The following SLC35F3 variants were observed in gnomAD, a reference collection of about 807,000 sequenced individuals.
SLC35F3 encodes putative thiamine transporter SLC35F3.
A neutral mutation model predicts 49.9 loss-of-function variants in SLC35F3; 25 were observed. The ratio of observed to expected loss-of-function variants is 0.50; its 90% CI spans 0.37 to 0.70. The LOEUF is 0.70. Among genes scored for constraint, SLC35F3 ranks in the 30% least tolerant of loss-of-function variants. SLC35F3 has a pLI of 0.00. For synonymous variants in SLC35F3, 275 were observed against 265.4 expected (o/e 1.04, Z -0.35); for missense variants, 525 against 639.8 (o/e 0.82, Z 1.94).
At chr1:234,206,815 C>G (rs1320539090) in intron 2 of SLC35F3, among the ~76,000 whole-genome samples, 5 of 152,136 alleles carry the variant, frequency 3.3e-5, no homozygotes, top group African/African-American at 1.2e-4. Context: ...CTGGGTCTGC[C>G]CAACGTTGAG....
At position 234,008,986 on chromosome 1, in the gene SLC35F3, C is replaced by G. The variant is rs1663673061; in HGVS notation, c.283+103228C>G. 2.0e-5 allele frequency among the ~76,000 whole-genome samples: 3 copies of G among 152,166 alleles called. No homozygotes were observed. In the South Asian group the frequency reaches 6.2e-4, roughly 32 times the overall value. ...AAACCTCATTTTTTGGATATCATAT[C>G]ACTCACCTACACAGATTACATAAAG... On this transcript the variant is annotated intron_variant, in intron 2 of 7. Transcript: ENST00000366618.
intron 3 of SLC35F3, chr1:234,261,623 T>G (rs988359552): frequency 6.6e-6 from 1 of 152,318 alleles, no homozygotes; most frequent in Non-Finnish European, 1.5e-5. Flanking sequence ...AGGGTCTTTG[T>G]GACCTGTATC....
At chr1:233,969,024 T>G (rs1662947132) in intron 2 of SLC35F3, among the ~76,000 whole-genome samples, 2 of 148,260 alleles carry the variant, frequency 1.3e-5, no homozygotes, top group African/African-American at 5.0e-5. Flanking sequence ...GAAGATCCCA[T>G]TATGAGGTAC....
intron 2 of SLC35F3, among the ~76,000 whole-genome samples, chr1:233,969,464 C>T (rs986317367): frequency 6.6e-6 from 1 of 152,178 alleles, no homozygotes; most frequent in South Asian, 2.1e-4. Flanking sequence ...TCTCTGGTGC[C>T]GTTCCTGCCT....
chr1:234,152,244 T>C (rs1332154197), intron 2 of SLC35F3, among the ~76,000 whole-genome samples: 12 of 150,430 alleles, frequency 8.0e-5, no homozygotes, highest in South Asian at 6.3e-4. Context: ...TTATTATTAT[T>C]ATTATTATAC....
chr1:233,936,300 A>G (rs1259481927), intron 2 of SLC35F3, among the ~76,000 whole-genome samples: 1 of 152,240 alleles, frequency 6.6e-6, no homozygotes, highest in Non-Finnish European at 1.5e-5. Flanking sequence ...GGAGAGCAGC[A>G]GACAGAGTGA....
At chr1:234,115,048 G>A (rs1403709680) in intron 2 of SLC35F3, among the ~76,000 whole-genome samples, 1 of 152,104 alleles carries the variant, frequency 6.6e-6, no homozygotes, top group African/African-American at 2.4e-5. Context: ...AGGTCTTCTG[G>A]CTCTGCCTCT....
At chr1:234,250,306 C>T (rs554233170) in intron 3 of SLC35F3, among the ~76,000 whole-genome samples, 1 of 152,314 alleles carries the variant, frequency 6.6e-6, no homozygotes, top group South Asian at 2.1e-4. Context: ...CCCCTGTCTT[C>T]GCCTGTTTGT....
chr1:234,279,958 A>G (rs543514460), intron 3 of SLC35F3, among the ~76,000 whole-genome samples: 21 of 152,296 alleles, frequency 1.4e-4, no homozygotes, highest in African/African-American at 4.3e-4. Context: ...GGATAACTCA[A>G]TTCAGGTAAC....
chr1:234,237,609 G>C (rs1184013226), intron 3 of SLC35F3, among the ~76,000 whole-genome samples: 1 of 152,152 alleles, frequency 6.6e-6, no homozygotes, highest in Non-Finnish European at 1.5e-5. Context: ...ACACATTCCA[G>C]CCTGTTGTTC....
intron 2 of SLC35F3, among the ~76,000 whole-genome samples, chr1:234,201,667 C>T (rs937909195): frequency 6.6e-6 from 1 of 152,126 alleles, no homozygotes; most frequent in African/African-American, 2.4e-5. Flanking sequence ...CCCACAAATT[C>T]AGCTCAGCAG....
chr1:234,007,429 A>G (rs6586363), intron 2 of SLC35F3, among the ~76,000 whole-genome samples: 112,342 of 152,026 alleles, frequency 0.74, 42,058 homozygotes, highest in African/African-American at 0.87. Flanking sequence ...AGAAGGGCCT[A>G]GTGTGGGTGC....
intron 2 of SLC35F3, among the ~76,000 whole-genome samples, chr1:233,933,245 G>T (rs1045016832): frequency 2.0e-5 from 3 of 152,206 alleles, no homozygotes; most frequent in Middle Eastern, 3.4e-3. Context: ...TTGAACAAAG[G>T]TTTGAGGGGT....
chr1:234,172,818 A>G (rs1211058257), intron 2 of SLC35F3, among the ~76,000 whole-genome samples: 1 of 152,248 alleles, frequency 6.6e-6, no homozygotes, highest in Admixed American at 6.5e-5. Flanking sequence ...ATGCAGTATT[A>G]TAATCCGATG....
intron 2 of SLC35F3, among the ~76,000 whole-genome samples, chr1:234,161,596 A>G (rs1572075662): frequency 6.6e-6 from 1 of 152,168 alleles, no homozygotes; most frequent in African/African-American, 2.4e-5. Context: ...TACAAAAAAT[A>G]CAAAAATTTT....
intron 2 of SLC35F3, among the ~76,000 whole-genome samples, chr1:234,097,573 G>GT (rs1170956051): frequency 1.3e-5 from 2 of 152,008 alleles, no homozygotes; most frequent in South Asian, 2.1e-4. Flanking sequence ...CACATTATTT[G>GT]TTTTTTTCTC....
At chr1:234,136,461 C>A (rs1468311053) in intron 2 of SLC35F3, among the ~76,000 whole-genome samples, 1 of 151,974 alleles carries the variant, frequency 6.6e-6, no homozygotes, top group Non-Finnish European at 1.5e-5. Flanking sequence ...TTCTTCCACC[C>A]CAGCCTCTCA....
At chr1:234,180,016 C>T (rs978039965) in intron 2 of SLC35F3, among the ~76,000 whole-genome samples, 4 of 152,168 alleles carry the variant, frequency 2.6e-5, no homozygotes, top group South Asian at 2.1e-4. Flanking sequence ...TCCTATAGCT[C>T]GATCCTAGAA....
intron 2 of SLC35F3, among the ~76,000 whole-genome samples, chr1:234,164,403 C>A (rs2102915130): frequency 6.6e-6 from 1 of 150,388 alleles, no homozygotes; most frequent in Non-Finnish European, 1.5e-5. Flanking sequence ...TCTCTCCCCG[C>A]TCCCTCCCTC....
Sources: allele counts gnomAD v4.1 joint callset (sites outside exome capture counted in the v4.1 genomes callset), GRCh38; gene constraint gnomAD v4.1.1; transcripts MANE v1.5; gene names NCBI Gene and HGNC (gene_info 2026-07-23, HGNC 2026-07-21).